Variants in MTUS2 observed in about 807,000 individuals in gnomAD.
The protein encoded by MTUS2 is microtubule associated scaffold protein 2, also known as microtubule-associated tumor suppressor candidate 2.
In MTUS2, 40 loss-of-function variants were observed where a neutral mutation model predicts 114.1. The observed-to-expected ratio is 0.35, with a 90% CI of 0.27 to 0.46. The LOEUF (loss-of-function observed/expected upper bound fraction) is 0.46, where lower values mean the gene tolerates loss of function less well. MTUS2 is among the 20% of genes least tolerant of loss of function. The pLI is 1.00. For missense variants in MTUS2, 1,679 were observed against 1,705.4 expected (o/e 0.98, Z 0.27); for synonymous variants, 688 against 672.0 (o/e 1.02, Z -0.37).
At chr13:29,245,879 A>G (rs1445911731) in intron 5 of MTUS2, among the ~76,000 whole-genome samples, 1 of 151,902 alleles carries the variant, frequency 6.6e-6, no homozygotes, top group African/African-American at 2.4e-5. Flanking sequence ...TGTATTTTTT[A>G]GAAGAGACGG....
intron 2 of MTUS2, among the ~76,000 whole-genome samples, chr13:28,996,100 A>G (rs1328795083): frequency 6.6e-6 from 1 of 152,206 alleles, no homozygotes; most frequent in African/African-American, 2.4e-5. Context: ...CAGAGTTTTT[A>G]GCATGAAGGG....
intron 8 of MTUS2, among the ~76,000 whole-genome samples, chr13:29,366,746 AC>A (rs1870754760): frequency 6.6e-6 from 1 of 152,176 alleles, no homozygotes; most frequent in African/African-American, 2.4e-5. Flanking sequence ...TGGGGACACC[AC>A]CAAGTGCAAA....
At chr13:29,158,358 CT>C (rs372666382) in intron 5 of MTUS2, among the ~76,000 whole-genome samples, 121 of 32,050 alleles carry the variant, frequency 3.8e-3, no homozygotes, top group African/African-American at 0.016. Context: ...GTCCACCCCG[CT>C]TTTTTTTTTT....
chr13:28,934,976 G>A (rs181088551), intron 2 of MTUS2, among the ~76,000 whole-genome samples: 18 of 135,144 alleles, frequency 1.3e-4, no homozygotes, highest in African/African-American at 4.0e-4. Flanking sequence ...CTTTCCACCC[G>A]TAGGTGACCA....
At chr13:28,982,015 G>A (rs1049158795) in intron 2 of MTUS2, among the ~76,000 whole-genome samples, 3 of 152,162 alleles carry the variant, frequency 2.0e-5, no homozygotes, top group Non-Finnish European at 4.4e-5. Flanking sequence ...CATAGGGAAA[G>A]GATTCTTACA....
intron 8 of MTUS2, among the ~76,000 whole-genome samples, chr13:29,419,827 A>G (rs1193838817): frequency 1.3e-5 from 2 of 152,230 alleles, no homozygotes; most frequent in South Asian, 2.1e-4. Flanking sequence ...CTTTTCTTGC[A>G]CTGCTGTGTC....
chr13:28,838,435 A>T (rs1049165900), intron 1 of MTUS2, among the ~76,000 whole-genome samples: 1 of 152,146 alleles, frequency 6.6e-6, no homozygotes. Flanking sequence ...TAGATGGGTT[A>T]CTACATTTAT....
At chr13:29,268,046 G>A (rs1266386737) in intron 5 of MTUS2, among the ~76,000 whole-genome samples, 5 of 152,056 alleles carry the variant, frequency 3.3e-5, no homozygotes, top group African/African-American at 9.7e-5. Context: ...TGTGCAGAAC[G>A]TGCAGGTTTG....
chr13:28,966,592 G>A (rs1883593928), intron 2 of MTUS2, among the ~76,000 whole-genome samples: 1 of 151,898 alleles, frequency 6.6e-6, no homozygotes, highest in African/African-American at 2.4e-5. Flanking sequence ...GGGCATAGTG[G>A]TACATGTCTG....
intron 2 of MTUS2, among the ~76,000 whole-genome samples, chr13:29,000,583 C>T (rs1456736311): frequency 6.6e-6 from 1 of 152,148 alleles, no homozygotes; most frequent in South Asian, 2.1e-4. Flanking sequence ...CCAGGCTGGT[C>T]TCAAACTCCT....
At chr13:29,390,966 A>G (rs2138436779) in intron 8 of MTUS2, among the ~76,000 whole-genome samples, 1 of 152,230 alleles carries the variant, frequency 6.6e-6, no homozygotes. Flanking sequence ...TATTTTTAGT[A>G]GAGACGGGGT....
At chr13:29,490,821 T>G (rs1196758705) in intron 11 of MTUS2, among the ~76,000 whole-genome samples, 1 of 152,278 alleles carries the variant, frequency 6.6e-6, no homozygotes, top group African/African-American at 2.4e-5. Context: ...AGATGGCTGC[T>G]TCGCAGTGGG....
intron 7 of MTUS2, among the ~76,000 whole-genome samples, chr13:29,331,789 A>ATTTTATCAAAT (rs536895073): frequency 1.6e-3 from 248 of 152,312 alleles, no homozygotes; most frequent in African/African-American, 5.7e-3. Context: ...ATTTTATCAA[A>ATTTTATCAAAT]GGTCTTTTCT....
At chr13:29,142,021 A>G (rs1892243510) in intron 5 of MTUS2, among the ~76,000 whole-genome samples, 1 of 151,686 alleles carries the variant, frequency 6.6e-6, no homozygotes, top group Non-Finnish European at 1.5e-5. Flanking sequence ...CACCACACCC[A>G]GCTAATTTTT....
intron 2 of MTUS2, among the ~76,000 whole-genome samples, chr13:28,914,184 T>C (rs1358408312): frequency 6.6e-6 from 1 of 152,100 alleles, no homozygotes; most frequent in Non-Finnish European, 1.5e-5. Context: ...TTAGTTGTGA[T>C]GTTAGGAGTT....
chr13:29,227,258 CAAAAAAAA>C (rs10680419), intron 5 of MTUS2, among the ~76,000 whole-genome samples: 24,174 of 120,688 alleles, frequency 0.2, 2,277 homozygotes, highest in East Asian at 0.44. Context: ...GACTCCGTCT[CAAAAAAAA>C]AAAAAAAAAA....
Position 29,440,019 on chromosome 13 carries a change from A to G in MTUS2, c.3154A>G (p.Ile1052Val), listed in dbSNP as rs778331058. The G allele has an allele frequency of 1.9e-5, 30 of 1,589,630 alleles. No individual in the cohort carries two copies. Among genetic ancestry groups the G allele is most frequent in the Admixed American group, 1.4e-4 (8 of 56,728 alleles). ...CCTTGTGAAAGAAAAAGAGCTGTCA[A>G]TCGAACTTGCAAACATCAGGGATGA... ...SALVKEKELS[I>V]ELANIRDEVA... The change falls in exon 9 of 16, where the codon ATC becomes GTC. Residue 1052 changes from isoleucine to valine, a missense_variant. Physicochemically the swap from Ile to Val is conservative, Grantham distance 29. This residue lies in a region of MTUS2 where 822 missense variants were observed against 899.7 expected (regional missense o/e 0.91). Transcript: ENST00000612955.
At chr13:29,451,873 G>T (rs532816448) in intron 9 of MTUS2, among the ~76,000 whole-genome samples, 9 of 152,266 alleles carry the variant, frequency 5.9e-5, no homozygotes, top group African/African-American at 2.2e-4. Flanking sequence ...ATAGGCATGA[G>T]CCTCCATGCC....
chr13:29,081,385 T>C (rs1889433510), intron 4 of MTUS2, among the ~76,000 whole-genome samples: 1 of 152,040 alleles, frequency 6.6e-6, no homozygotes, highest in Non-Finnish European at 1.5e-5. Context: ...AAACATACTA[T>C]ATATTATTTT....
Sources: gnomAD v4.1 joint callset for allele counts (sites outside exome capture counted in the v4.1 genomes callset) on GRCh38, gnomAD v4.1.1 for gene constraint, gnomAD v4.1.1 regional missense constraint, MANE v1.5 for transcripts, NCBI Gene and HGNC (gene_info 2026-07-23, HGNC 2026-07-21) for gene names.